CCDC30: variants seen among roughly 807,000 people sequenced by gnomAD.
The protein encoded by CCDC30 is coiled-coil domain containing 30.
A neutral mutation model predicts 100.2 loss-of-function variants in CCDC30; 70 were observed. The observed-to-expected ratio is 0.70, with a 90% confidence interval of 0.58 to 0.85. CCDC30 has a LOEUF of 0.85. Among genes scored for constraint, CCDC30 ranks in the 40% least tolerant of loss-of-function variants. CCDC30 has a pLI of 0.00. For synonymous variants in CCDC30, 233 were observed against 269.5 expected (o/e 0.86, Z 1.33); for missense variants, 652 against 771.2 (o/e 0.85, Z 1.83).
intron 9 of CCDC30, among the ~76,000 whole-genome samples, chr1:42,588,209 A>C (rs1646115477): frequency 6.6e-6 from 1 of 152,156 alleles, no homozygotes; most frequent in South Asian, 2.1e-4. Context: ...ACATTTCTAC[A>C]TTTGTTTAAA....
upstream of CCDC30, chr1:42,459,977 T>C: frequency 6.6e-7 from 1 of 1,521,488 alleles, no homozygotes; most frequent in East Asian, 2.3e-5. Context: ...TTAGAGATGG[T>C]GAAAACTACA....
At chr1:42,492,104 T>G (rs1644152950) in intron 4 of CCDC30, 1 of 305,530 alleles carries the variant, frequency 3.3e-6, no homozygotes, top group Non-Finnish European at 6.3e-6. Flanking sequence ...AACCTCACAT[T>G]GATGTCAAGA....
rs71065186 is a variant in CCDC30 at position 42,575,649 on chromosome 1, C to CAAAA, written c.637-1365_637-1362dup. On this transcript the variant is annotated intron_variant, in intron 7 of 16. Transcript: ENST00000668663. ...TGGGCGACAGAGAGAGACCCTGTCTCAAAAAAAAAGAAGCAAACAAACAAA... is the reference window on the plus strand; with the variant it reads ...TGGGCGACAGAGAGAGACCCTGTCTCAAAAAAAAAAAAAGAAGCAAACAAACAAA... 9.1e-5 allele frequency among the ~76,000 whole-genome samples: 7 copies of CAAAA among 76,950 alleles called. 1 individual carries two copies. In the East Asian group the frequency reaches 1.6e-3, roughly 17 times the overall value. 50.5% of individuals were successfully genotyped at this position (76,950 alleles called of 152,430 possible).
intron 6 of CCDC30, chr1:42,500,325 G>T: frequency 1.2e-6 from 2 of 1,607,622 alleles, no homozygotes; most frequent in Non-Finnish European, 1.7e-6. Context: ...CAGCCATATC[G>T]GGTTTGTCAG....
intron 7 of CCDC30, chr1:42,569,118 T>A (rs1409025044): frequency 1.3e-5 from 2 of 151,994 alleles, no homozygotes; most frequent in East Asian, 3.9e-4. Context: ...ACACGCAAAT[T>A]TGTGAAGCGT....
chr1:42,587,597 A>C (rs1027216772), intron 9 of CCDC30, among the ~76,000 whole-genome samples: 3 of 152,206 alleles, frequency 2.0e-5, no homozygotes, highest in Admixed American at 2.0e-4. Context: ...GAAGAACGAG[A>C]GGTGGAGGGA....
intron 5 of CCDC30, among the ~76,000 whole-genome samples, chr1:42,497,423 C>A (rs1644247261): frequency 6.6e-6 from 1 of 152,032 alleles, no homozygotes; most frequent in Non-Finnish European, 1.5e-5. Context: ...TGCTAAACAG[C>A]AACATTGTTG....
At chr1:42,477,676 G>T (rs938690433) in intron 1 of CCDC30, among the ~76,000 whole-genome samples, 8 of 152,176 alleles carry the variant, frequency 5.3e-5, no homozygotes, top group Admixed American at 4.6e-4. Context: ...CTTCAAATTA[G>T]ACTTGATCTG....
At chr1:42,644,223 C>A (rs530658065) in intron 13 of CCDC30, among the ~76,000 whole-genome samples, 13 of 152,204 alleles carry the variant, frequency 8.5e-5, no homozygotes, top group African/African-American at 3.1e-4. Flanking sequence ...AGCTGAGGAG[C>A]AAGGAGAGCC....
chr1:42,569,111 C>T (rs749810518), intron 7 of CCDC30: 7 of 152,054 alleles, frequency 4.6e-5, no homozygotes, highest in Admixed American at 1.3e-4. Context: ...AAGGATGACA[C>T]GCAAATTTGT....
At chr1:42,507,899 C>A (rs1276887755) in intron 6 of CCDC30, among the ~76,000 whole-genome samples, 1 of 152,136 alleles carries the variant, frequency 6.6e-6, no homozygotes, top group Non-Finnish European at 1.5e-5. Context: ...ATCTTGAAGA[C>A]TTTTTTATTT....
intron 5 of CCDC30, among the ~76,000 whole-genome samples, 169 bp downstream of exon 5, chr1:42,497,382 G>A (rs554261747): frequency 1.3e-5 from 2 of 152,176 alleles, no homozygotes; most frequent in South Asian, 4.1e-4. Context: ...CATTCTATCT[G>A]TACTTATATT....
intron 11 of CCDC30, among the ~76,000 whole-genome samples, chr1:42,629,859 C>T (rs886468647): frequency 7.9e-5 from 12 of 151,964 alleles, no homozygotes; most frequent in Non-Finnish European, 1.3e-4. Context: ...CGTGATCCGT[C>T]GGCCTCAGCC....
chr1:42,577,157 C>A, exon 8 of CCDC30: 1 of 1,614,080 alleles, frequency 6.2e-7, no homozygotes, highest in Non-Finnish European at 8.5e-7. Context: ...ACACTCAGAG[C>A]ATTAAATCAC....
intron 13 of CCDC30, among the ~76,000 whole-genome samples, chr1:42,643,113 G>C (rs1260913017): frequency 6.6e-6 from 1 of 152,190 alleles, no homozygotes; most frequent in African/African-American, 2.4e-5. Context: ...GTGGGTTGAT[G>C]TTAACAAATA....
chr1:42,536,665 C>A, intron 6 of CCDC30, 64 bp downstream of exon 7: 2 of 1,208,450 alleles, frequency 1.7e-6, no homozygotes, highest in Non-Finnish European at 2.4e-6. Flanking sequence ...TTCATGTTAT[C>A]ATTTTTAAAT....
intron 11 of CCDC30, among the ~76,000 whole-genome samples, chr1:42,633,264 C>T (rs1345728307): frequency 6.6e-6 from 1 of 152,198 alleles, no homozygotes; most frequent in Non-Finnish European, 1.5e-5. Context: ...AAGTTCTATA[C>T]TCTTGTCTCT....
intron 10 of CCDC30, among the ~76,000 whole-genome samples, chr1:42,601,260 A>G (rs1490372744): frequency 1.3e-5 from 2 of 152,220 alleles, no homozygotes; most frequent in African/African-American, 2.4e-5. Flanking sequence ...TTTGAAGGAC[A>G]TTTATAGCAT....
intron 6 of CCDC30, among the ~76,000 whole-genome samples, chr1:42,512,493 CCT>C (rs1343458259): frequency 1.3e-5 from 2 of 152,162 alleles, no homozygotes; most frequent in Non-Finnish European, 2.9e-5. Flanking sequence ...ACAGCATTCC[CCT>C]GAGTTATATC....
Sources: gnomAD v4.1 joint callset for allele counts (sites outside exome capture counted in the v4.1 genomes callset) on GRCh38, gnomAD v4.1.1 for gene constraint, MANE v1.5 for transcripts, NCBI Gene and HGNC (gene_info 2026-07-23, HGNC 2026-07-21) for gene names.